FHAD1: variants seen among roughly 807,000 people sequenced by gnomAD.
The protein encoded by FHAD1 is forkhead-associated domain-containing protein 1.
Under a neutral mutation model 191.3 loss-of-function variants are expected in FHAD1, and 146 were observed. The ratio of observed to expected loss-of-function variants is 0.76; its 90% CI spans 0.67 to 0.88. The LOEUF is 0.88. Among genes scored for constraint, FHAD1 ranks in the 40% least tolerant of loss-of-function variants. The probability of loss-of-function intolerance (pLI) is 0.00; values close to 1 mark genes in which losing one functional copy is unlikely to be tolerated. For synonymous variants in FHAD1, 616 were observed against 672.3 expected (o/e 0.92, Z 1.29); for missense variants, 1,635 against 1,785.8 (o/e 0.92, Z 1.52).
At chr1:15,291,613 C>A (rs1314254679) in intron 4 of FHAD1, among the ~76,000 whole-genome samples, 1 of 152,166 alleles carries the variant, frequency 6.6e-6, no homozygotes, top group Non-Finnish European at 1.5e-5. Context: ...TAACATATAG[C>A]ACCCTAAAAC....
chr1:15,326,988 C>A, intron 11 of FHAD1, 71 bp from the exon 12 acceptor site: 1 of 912,968 alleles, frequency 1.1e-6, no homozygotes. Context: ...CCGCACCCTG[C>A]CATGGAAACG....
Position 15,289,691 on chromosome 1 carries a change from G to T in FHAD1, c.568+25G>T. The T allele has an allele frequency of 6.5e-7, 1 of 1,531,194 alleles. No homozygotes were observed. The highest frequency in any genetic ancestry group is 8.8e-7 in the Non-Finnish European group (1 of 1,131,794). 94.9% of individuals were successfully genotyped at this position (1,531,194 alleles called of 1,614,324 possible). A position where few individuals can be genotyped will look rare whatever the true frequency, so the allele number is the denominator to read the frequency against. Reference sequence around the variant, plus strand: ...GGTATGCGTCAGGGCTGCCATTGGTGGCTTGGGGGTGGTTCACGGCCATGT... The same window carrying T: ...GGTATGCGTCAGGGCTGCCATTGGTTGCTTGGGGGTGGTTCACGGCCATGT... On this transcript the variant is annotated intron_variant, in intron 4 of 33. Transcript: ENST00000688493. The surrounding 1 kb of genome is among the most constrained non-coding windows in gnomAD (Gnocchi z 4.2).
intron 2 of FHAD1, among the ~76,000 whole-genome samples, chr1:15,255,219 T>G (rs774085370): frequency 6.6e-6 from 1 of 152,202 alleles, no homozygotes; most frequent in Non-Finnish European, 1.5e-5. Flanking sequence ...GGAGCTATGC[T>G]TGTAAAGATT....
intron 33 of FHAD1, among the ~76,000 whole-genome samples, chr1:15,392,447 G>T (rs1045589228): frequency 6.6e-6 from 1 of 152,150 alleles, no homozygotes; most frequent in Non-Finnish European, 1.5e-5. Context: ...CAGGAGAATG[G>T]TGTGAACCTG....
chr1:15,360,665 T>C lies in FHAD1; in HGVS notation c.2924T>C (p.Ile975Thr), dbSNP rs1364732286. ...LQKVTQHHKK[I>T]EGEIATLKDN... ...AAAGTCACTCAGCACCATAAAAAAA[T>C]AGAAGGCGAGATTGCAACATTGAAG... Residue 975 changes from isoleucine (I) to threonine (T), a missense_variant, in exon 22 of 34, where the codon ATA (isoleucine) becomes ACA (threonine). Ile to Thr is a moderately conservative substitution (Grantham distance 89, BLOSUM62 -1). Coordinates refer to ENST00000688493, the MANE Select transcript of FHAD1 (RefSeq NM_001391957.1). The C allele has an allele frequency of 5.8e-6, 9 of 1,551,586 alleles. No individual in the cohort carries two copies. The highest frequency in any genetic ancestry group is 2.4e-5 in the East Asian group (1 of 40,922).
At chr1:15,377,930 T>G (rs1233931457) in intron 28 of FHAD1, among the ~76,000 whole-genome samples, 1 of 152,224 alleles carries the variant, frequency 6.6e-6, no homozygotes, top group Non-Finnish European at 1.5e-5. Flanking sequence ...AGCAGAGCCC[T>G]TCACATGTGT....
intron 3 of FHAD1, among the ~76,000 whole-genome samples, chr1:15,284,124 A>G (rs745758807): frequency 1.3e-5 from 2 of 152,164 alleles, no homozygotes; most frequent in Non-Finnish European, 2.9e-5. Flanking sequence ...GGCCACATAT[A>G]CAAAGGGCAC....
intron 18 of FHAD1, 156 bp downstream of exon 18, chr1:15,345,679 G>T: frequency 3.1e-6 from 2 of 643,556 alleles, no homozygotes. Flanking sequence ...AAGCGTGGGA[G>T]ACTCAAGGAG....
intron 3 of FHAD1, among the ~76,000 whole-genome samples, chr1:15,278,493 A>G (rs113687437): frequency 1.8e-5 from 1 of 55,334 alleles, no homozygotes; most frequent in African/African-American, 1.1e-4. Context: ...TTTTTTTTTG[A>G]GACGGAGTCT....
At chr1:15,295,237 A>C (rs1666532857) in intron 4 of FHAD1, among the ~76,000 whole-genome samples, 1 of 152,168 alleles carries the variant, frequency 6.6e-6, no homozygotes, top group Non-Finnish European at 1.5e-5. Context: ...TCACTTACAA[A>C]ATATGATATG....
chr1:15,400,816 G>A (rs566268666), downstream of FHAD1, among the ~76,000 whole-genome samples: 138 of 152,346 alleles, frequency 9.1e-4, no homozygotes, highest in Admixed American at 1.6e-3. Flanking sequence ...GCCACAGGTT[G>A]CCAAGAACAG....
intron 5 of FHAD1, among the ~76,000 whole-genome samples, chr1:15,300,131 A>G (rs188408231): frequency 9.2e-5 from 14 of 152,306 alleles, no homozygotes; most frequent in Admixed American, 3.9e-4. Context: ...TTTGTTCTCA[A>G]TCTTCCTGAT....
intron 6 of FHAD1, among the ~76,000 whole-genome samples, chr1:15,307,879 C>T (rs985291371): frequency 4.6e-5 from 7 of 152,110 alleles, no homozygotes; most frequent in Middle Eastern, 3.4e-3. Context: ...TACAGGTGCC[C>T]GCCACCACAC....
intron 32 of FHAD1, among the ~76,000 whole-genome samples, chr1:15,388,686 C>G (rs1280759627): frequency 6.6e-6 from 1 of 152,046 alleles, no homozygotes; most frequent in African/African-American, 2.4e-5. Context: ...TGTTTTACTC[C>G]GACCTTCCTG....
intron 2 of FHAD1, among the ~76,000 whole-genome samples, chr1:15,270,122 G>T (rs1283877886): frequency 2.0e-5 from 3 of 151,990 alleles, no homozygotes; most frequent in Non-Finnish European, 4.4e-5. Flanking sequence ...TGTTGGCCAG[G>T]CTGGTCTCAA....
In FHAD1 at chr1:15,329,088, T is replaced by A. The variant is rs957742941; in HGVS notation, c.1711-258T>A. The A allele has an allele frequency of 3.1e-6, 1 of 319,548 alleles. No homozygotes were observed. Among genetic ancestry groups the A allele is most frequent in the Middle Eastern group, 8.5e-4 (1 of 1,172 alleles). 19.8% of individuals were successfully genotyped at this position (319,548 alleles called of 1,614,324 possible). On this transcript the variant is annotated intron_variant, in intron 13 of 33. Transcript: ENST00000688493. This position sits in a 1 kb window ranked among gnomAD's most constrained non-coding sequence, Gnocchi z 5.0. ...CTTCTCATTGCAGCCAAACTGTTGA[T>A]GGTACTTTGGCTCTGGGGTTTCATA...
chr1:15,242,488 C>T (rs4661615), upstream of FHAD1, among the ~76,000 whole-genome samples: 129,041 of 152,150 alleles, frequency 0.85, 55,092 homozygotes, highest in East Asian at 0.95. Flanking sequence ...TAAAGGTTCA[C>T]TGTCACTCAA....
At chr1:15,304,551 A>G (rs1669813647) in intron 6 of FHAD1, among the ~76,000 whole-genome samples, 1 of 152,206 alleles carries the variant, frequency 6.6e-6, no homozygotes, top group African/African-American at 2.4e-5. Flanking sequence ...ATACAAACAA[A>G]AGCATTAAGC....
At chr1:15,261,402 T>A (rs1268725068) in intron 2 of FHAD1, among the ~76,000 whole-genome samples, 1 of 152,156 alleles carries the variant, frequency 6.6e-6, no homozygotes, top group Non-Finnish European at 1.5e-5. Flanking sequence ...TAATCGCTGC[T>A]CTATCATGAG....
Sources: gnomAD v4.1 joint callset for allele counts (sites outside exome capture counted in the v4.1 genomes callset) on GRCh38, gnomAD v4.1.1 for gene constraint, Gnocchi (gnomAD v3.1) non-coding constraint, MANE v1.5 for transcripts, NCBI Gene and HGNC (gene_info 2026-07-23, HGNC 2026-07-21) for gene names.